Variants in CACNA1S observed in about 807,000 individuals in gnomAD.
CACNA1S encodes the protein calcium voltage-gated channel subunit alpha1 S.
Under a neutral mutation model 207.4 loss-of-function variants are expected in CACNA1S, and 126 were observed. The ratio of observed to expected loss-of-function variants is 0.61; its 90% CI spans 0.53 to 0.70. The LOEUF is 0.70. Ranked by LOEUF, CACNA1S falls within the 30% of genes least tolerant of loss-of-function variation. The pLI, the probability that CACNA1S is intolerant of heterozygous loss-of-function variation, is 0.00. For missense variants in CACNA1S, 2,349 were observed against 2,422.8 expected (o/e 0.97, Z 0.64); for synonymous variants, 960 against 932.7 (o/e 1.03, Z -0.53).
chr1:201,066,250 G>C lies in CACNA1S; in HGVS notation c.2724C>G (p.Ile908Met). The C allele has an allele frequency of 6.2e-7, 1 of 1,613,814 alleles. No individual in the cohort carries two copies. Among genetic ancestry groups the C allele is most frequent in the Non-Finnish European group, 8.5e-7 (1 of 1,179,982 alleles). The change falls in exon 21 of 44, where the codon ATC (isoleucine) becomes ATG (methionine). Residue 908 changes from isoleucine to methionine, a missense_variant. Ile to Met is a conservative substitution (Grantham distance 10). Transcript: ENST00000362061. This position sits in a 1 kb window ranked among gnomAD's most constrained non-coding sequence, Gnocchi z 4.3. ...VLRVLRPLRA[I>M]NRAKGLKHVV... ...TCACCTTCAACCCCTTGGCTCTGTTGATGGCTCTGAGTGGTCGGAGCACCC... is the reference window on the plus strand; with the variant it reads ...TCACCTTCAACCCCTTGGCTCTGTTCATGGCTCTGAGTGGTCGGAGCACCC...
chr1:201,047,358 T>C, intron 37 of CACNA1S, 119 bp from the exon 38 acceptor site: 1 of 1,432,078 alleles, frequency 7.0e-7, no homozygotes, highest in Non-Finnish European at 9.7e-7. Context: ...CTTGCTGACT[T>C]GGTCACTGGG....
intron 2 of CACNA1S, among the ~76,000 whole-genome samples, chr1:201,101,865 G>A (rs1662679788): frequency 6.6e-6 from 1 of 151,850 alleles, no homozygotes; most frequent in South Asian, 2.1e-4. Context: ...GCTACTCTTT[G>A]CAACATTAAC....
intron 12 of CACNA1S, among the ~76,000 whole-genome samples, chr1:201,076,531 T>C (rs1661629918): frequency 6.6e-6 from 1 of 152,250 alleles, no homozygotes; most frequent in African/African-American, 2.4e-5. Flanking sequence ...GGTTTGCGTT[T>C]CTCTGGGGCT....
intron 2 of CACNA1S, among the ~76,000 whole-genome samples, chr1:201,096,574 A>T (rs1662442855): frequency 6.6e-6 from 1 of 152,198 alleles, no homozygotes; most frequent in Non-Finnish European, 1.5e-5. Flanking sequence ...CCAAGCATCC[A>T]TCGTGGGCAG....
rs549550439 is a variant in CACNA1S at position 201,070,192 on chromosome 1, G to T, written c.2360+80C>A. 2.7e-6 allele frequency: 4 copies of T among 1,496,076 alleles called. No individual in the cohort carries two copies. The East Asian group carries it at 6.8e-5, about 25-fold the overall frequency. The allele number at this position is 1,496,076 out of a possible 1,614,324, so 92.7% of individuals were successfully genotyped here. A position where few individuals can be genotyped will look rare whatever the true frequency, so the allele number is the denominator to read the frequency against. On this transcript the variant is annotated intron_variant, in intron 17 of 43. Coordinates refer to ENST00000362061, the MANE Select transcript of CACNA1S (RefSeq NM_000069.3). ...CATAGTATAACTGTAGGCATGGAGAGTCAGACAGGGTTTTTTCTAGGGCAG... is the reference window on the plus strand; with the variant it reads ...CATAGTATAACTGTAGGCATGGAGATTCAGACAGGGTTTTTTCTAGGGCAG...
Position 201,051,171 on chromosome 1 carries a change from C to T in CACNA1S, c.3954-28G>A, listed in dbSNP as rs1660636991. 3 of 1,613,708 alleles carry T rather than the reference C, an allele frequency of 1.9e-6. No individual in the cohort carries two copies. In the South Asian group the frequency reaches 3.3e-5, roughly 18 times the overall value. ...AGAGGACAGAAGAGGCTCCTGTCAC[C>T]TATCTGCTCCTGCCTGGCCCCTCAG... On this transcript the variant is annotated intron_variant, in intron 32 of 43. Coordinates refer to ENST00000362061, the MANE Select transcript of CACNA1S (RefSeq NM_000069.3).
At chr1:201,093,714 A>G (rs1284551523) in intron 3 of CACNA1S, among the ~76,000 whole-genome samples, 168 bp downstream of exon 3, 1 of 152,168 alleles carries the variant, frequency 6.6e-6, no homozygotes, top group Non-Finnish European at 1.5e-5. Context: ...CTCTCCACCA[A>G]CATGGACAGC....
intron 16 of CACNA1S, among the ~76,000 whole-genome samples, chr1:201,071,882 T>A (rs915875688): frequency 5.3e-5 from 8 of 152,274 alleles, no homozygotes; most frequent in African/African-American, 1.4e-4. Context: ...ATGCATTCAT[T>A]CATTCAATTT....
intron 28 of CACNA1S, among the ~76,000 whole-genome samples, chr1:201,055,121 G>T (rs1333283623): frequency 1.3e-5 from 2 of 152,212 alleles, no homozygotes; most frequent in Non-Finnish European, 2.9e-5. Context: ...CTCTTGAAGA[G>T]CAGGTGGGTA....
intron 31 of CACNA1S, among the ~76,000 whole-genome samples, chr1:201,052,928 G>A (rs562260961): frequency 1.3e-5 from 2 of 152,176 alleles, no homozygotes; most frequent in Admixed American, 1.3e-4. Flanking sequence ...TGCTCTCAGG[G>A]GAGGGTAGAC....
chr1:201,074,670 G>C (rs769515207), intron 13 of CACNA1S, 50 bp from the exon 14 acceptor site: 1 of 1,202,382 alleles, frequency 8.3e-7, no homozygotes. Context: ...AAGGGAGCCT[G>C]CAGGGCAGGA....
chr1:201,061,800 C>A lies in CACNA1S; in HGVS notation c.3053+144G>T, dbSNP rs1008242991. 4 of 955,944 alleles carry A rather than the reference C, an allele frequency of 4.2e-6. No homozygotes were observed. The African/African-American group carries it at 6.4e-5, about 15-fold the overall frequency. 59.2% of individuals were successfully genotyped at this position (955,944 alleles called of 1,614,324 possible). A position where few individuals can be genotyped will look rare whatever the true frequency, so the allele number is the denominator to read the frequency against. On this transcript the variant is annotated intron_variant, in intron 24 of 43. Transcript: ENST00000362061. ...ACTTTGGAGTGACCAGTCAACATAC[C>A]ATCAAACCATCAGAGAGTTGGTGGG...
intron 43 of CACNA1S, 59 bp from the exon 44 acceptor site, chr1:201,040,141 G>A (rs1165975901): frequency 1.2e-6 from 2 of 1,611,584 alleles, no homozygotes; most frequent in Non-Finnish European, 1.7e-6. Context: ...TTGGGGACCT[G>A]CCTCTGTTGG....
Position 201,110,168 on chromosome 1 carries a change from C to T in CACNA1S, c.254G>A (p.Gly85Asp), listed in dbSNP as rs1373413177. ...PEDDNNSLNL[G>D]LEKLEYFFLI... is the part of the protein sequence containing the mutation. ...AGATGGAAGGGCCAATCTTACCAGG[C>T]CGAGGTTCAGAGAGTTGTTGTCATC... Residue 85 changes from glycine to aspartate, a missense_variant, in exon 2 of 44, where the codon GGC becomes GAC. Physicochemically the swap from Gly to Asp is moderately conservative, Grantham distance 94. Coordinates refer to ENST00000362061, the MANE Select transcript of CACNA1S (RefSeq NM_000069.3). 1.9e-6 allele frequency: 3 copies of T among 1,613,958 alleles called. No homozygotes were observed. In the African/African-American group the frequency reaches 4.0e-5, roughly 22 times the overall value.
At position 201,061,957 on chromosome 1, in the gene CACNA1S, C is replaced by T. The variant is rs776712220; in HGVS notation, c.3040G>A (p.Glu1014Lys). ...GCCATCACTCACTGAGGCCATCCCT[C>T]GAAGGTGGAGACCGTGAAGAGGGAC... Reference protein sequence around the residue: ...MMSLFTVSTFEGWPQLLYKAI... With the variant: ...MMSLFTVSTFKGWPQLLYKAI... The change falls in exon 24 of 44, where the codon GAG becomes AAG. Residue 1014 changes from glutamate to lysine, a missense_variant. Glu to Lys is a moderately conservative substitution (Grantham distance 56). Coordinates refer to ENST00000362061, the MANE Select transcript of CACNA1S (RefSeq NM_000069.3). The T allele has an allele frequency of 1.1e-5, 18 of 1,614,092 alleles. No individual in the cohort carries two copies. The highest frequency in any genetic ancestry group is 6.6e-5 in the South Asian group (6 of 91,088).
chr1:201,107,697 G>A (rs1662949121), intron 2 of CACNA1S, among the ~76,000 whole-genome samples: 1 of 152,216 alleles, frequency 6.6e-6, no homozygotes, highest in Non-Finnish European at 1.5e-5. Flanking sequence ...GCAAGAGAGA[G>A]AGTGCCTACT....
chr1:201,053,703 A>C lies in CACNA1S; in HGVS notation c.3667-116T>G, dbSNP rs2102562641. The C allele has an allele frequency of 1.9e-6, 2 of 1,056,972 alleles. No individual in the cohort carries two copies. The highest frequency in any genetic ancestry group is 2.2e-5 in the Admixed American group (1 of 46,042). 65.5% of individuals were successfully genotyped at this position (1,056,972 alleles called of 1,614,324 possible). On this transcript the variant is annotated intron_variant, in intron 29 of 43. Coordinates refer to ENST00000362061, the MANE Select transcript of CACNA1S (RefSeq NM_000069.3). The surrounding 1 kb of genome is among the most constrained non-coding windows in gnomAD (Gnocchi z 5.1). Reference sequence around the variant, plus strand: ...GGGGAGATGTTTGTGGCATGGAGGAACTCCAGCCCCGCCTCTGGCCCCTGC... The same window carrying C: ...GGGGAGATGTTTGTGGCATGGAGGACCTCCAGCCCCGCCTCTGGCCCCTGC...
At position 201,053,080 on chromosome 1, in the gene CACNA1S, T is replaced by C. The variant is rs977638037; in HGVS notation, c.3861+129A>G. 2 of 1,088,842 alleles carry C rather than the reference T, an allele frequency of 1.8e-6. No individual in the cohort carries two copies. Among genetic ancestry groups the C allele is most frequent in the South Asian group, 2.5e-5 (2 of 80,010 alleles). 67.4% of individuals were successfully genotyped at this position (1,088,842 alleles called of 1,614,324 possible). A position where few individuals can be genotyped will look rare whatever the true frequency, so the allele number is the denominator to read the frequency against. On this transcript the variant is annotated intron_variant, in intron 31 of 43. Transcript: ENST00000362061. This position sits in a 1 kb window ranked among gnomAD's most constrained non-coding sequence, Gnocchi z 5.1. ...CGATCAGGGAGGTTGTCCCTCCTTCTTTCTCACGAGCAAGGCAGGGAGGGC... is the reference window on the plus strand; with the variant it reads ...CGATCAGGGAGGTTGTCCCTCCTTCCTTCTCACGAGCAAGGCAGGGAGGGC...
chr1:201,043,273 G>C lies in CACNA1S; in HGVS notation c.5048+8C>G. 2 of 1,614,112 alleles carry C rather than the reference G, an allele frequency of 1.2e-6. No homozygotes were observed. Among genetic ancestry groups the C allele is most frequent in the Non-Finnish European group, 1.7e-6 (2 of 1,180,010 alleles). The stretch of plus-strand genomic sequence containing the variant: ...TCTACACCCAGGGATGGCAGTGGCC[G>C]CCACTACCTGGAAAACACATGGCTG... On this transcript the variant is annotated splice_region_variant and intron_variant, in intron 40 of 43. Coordinates refer to ENST00000362061, the MANE Select transcript of CACNA1S (RefSeq NM_000069.3).
Sources: allele counts gnomAD v4.1 joint callset (sites outside exome capture counted in the v4.1 genomes callset), GRCh38; gene constraint gnomAD v4.1.1; non-coding constraint Gnocchi (gnomAD v3.1); transcripts MANE v1.5; gene names NCBI Gene and HGNC (gene_info 2026-07-23, HGNC 2026-07-21).